Variants in SLC16A2 observed in about 807,000 individuals in gnomAD.
SLC16A2 encodes the protein solute carrier family 16 member 2.
A neutral mutation model predicts 27.2 loss-of-function variants in SLC16A2; 3 were observed. That is an observed-to-expected ratio of 0.11 (90% CI 0.05 to 0.28). The LOEUF (loss-of-function observed/expected upper bound fraction) is 0.28, where lower values mean the gene tolerates loss of function less well. SLC16A2 is among the 10% of genes least tolerant of loss of function. The pLI, the probability that SLC16A2 is intolerant of heterozygous loss-of-function variation, is 1.00. For synonymous variants in SLC16A2, 202 were observed against 187.8 expected, an observed-to-expected ratio of 1.08 and a Z score of -0.62; for missense variants, 295 against 458.5, an observed-to-expected ratio of 0.64 and a Z score of 3.26.
At chrX:74,460,612 G>A (rs1185395009) in intron 1 of SLC16A2, among the ~76,000 whole-genome samples, 14 of 112,156 alleles carry the variant, frequency 1.2e-4, no homozygotes, top group Admixed American at 4.7e-4. Context: ...CCTGTACCCA[G>A]GGTCTAGCCT....
At chrX:74,485,824 G>A (rs1428783604) in intron 1 of SLC16A2, among the ~76,000 whole-genome samples, 1 of 111,407 alleles carries the variant, frequency 9.0e-6, no homozygotes, top group Admixed American at 9.5e-5. Context: ...GGCTGGATCA[G>A]GAGCACAGTG....
intron 1 of SLC16A2, among the ~76,000 whole-genome samples, chrX:74,434,376 TG>T (rs1429007865): frequency 9.0e-6 from 1 of 111,073 alleles, no homozygotes; most frequent in Admixed American, 9.6e-5. Flanking sequence ...AGTGGCAGAG[TG>T]GGGGCAGAGA....
At position 74,529,110 on chromosome X, in the gene SLC16A2, C is replaced by T. The variant is rs1372815435; in HGVS notation, c.1171-103C>T. 1.2e-4 allele frequency: 67 copies of T among 566,433 alleles called. No homozygotes were observed. In the East Asian group the frequency reaches 2.4e-3, roughly 20 times the overall value. 46.7% of individuals were successfully genotyped at this position (566,433 alleles called of 1,213,427 possible). A position where few individuals can be genotyped will look rare whatever the true frequency, so the allele number is the denominator to read the frequency against. ...GTTGACACCTTCCCCCTCCCACCAC[C>T]CCATTTTATAGATGGTAGAAATGAA... is the stretch of plus-strand genomic sequence containing the variant. On this transcript the variant is annotated intron_variant, in intron 4 of 5. Transcript: ENST00000587091.
chrX:74,470,887 A>C (rs932884494), intron 1 of SLC16A2, among the ~76,000 whole-genome samples: 1 of 111,309 alleles, frequency 9.0e-6, no homozygotes, highest in African/African-American at 3.3e-5. Flanking sequence ...GCAGTGAGCC[A>C]AGATGGCGCC....
intron 1 of SLC16A2, among the ~76,000 whole-genome samples, chrX:74,434,728 T>C (rs1005963734): frequency 1.8e-5 from 2 of 110,529 alleles, no homozygotes; most frequent in Non-Finnish European, 3.8e-5. Context: ...AAACAGGTCC[T>C]CAGATCCCAT....
intron 1 of SLC16A2, among the ~76,000 whole-genome samples, chrX:74,422,290 C>T (rs796723435): frequency 8.9e-6 from 1 of 112,099 alleles, no homozygotes; most frequent in South Asian, 3.7e-4. Context: ...GCAAGGCGTC[C>T]CGGGGGTACG....
At chrX:74,481,015 G>GAGAT (rs1929608606) in intron 1 of SLC16A2, among the ~76,000 whole-genome samples, 1 of 112,318 alleles carries the variant, frequency 8.9e-6, no homozygotes, top group African/African-American at 3.2e-5. Flanking sequence ...TTATTCTATT[G>GAGAT]AGATAGCGTA....
Position 74,497,512 on chromosome X carries a change from T to C in SLC16A2, c.431-23478T>C, listed in dbSNP as rs1929958066. On this transcript the variant is annotated intron_variant, in intron 1 of 5. Coordinates refer to ENST00000587091, the MANE Select transcript of SLC16A2 (RefSeq NM_006517.5). ...TCTCAAAGTTTTTTGTTTTTGGTTC[T>C]CAAAGTTTTGGGGTCGGTACCCCAA... Among the ~76,000 whole-genome samples the C allele has an allele frequency of 3.7e-5, 4 of 109,248 alleles. No individual in the cohort carries two copies. In the Admixed American group the frequency reaches 4.0e-4, roughly 11 times the overall value. The allele number at this position is 109,248 out of a possible 115,157, so 94.9% of individuals were successfully genotyped here.
At chrX:74,435,696 G>T (rs1159371207) in intron 1 of SLC16A2, among the ~76,000 whole-genome samples, 1 of 107,531 alleles carries the variant, frequency 9.3e-6, no homozygotes, top group Non-Finnish European at 1.9e-5. Flanking sequence ...TAAGTGTATG[G>T]GTAAGAAGCA....
chrX:74,481,570 T>G lies in SLC16A2; in HGVS notation c.431-39420T>G, dbSNP rs148955584. 4.8e-4 allele frequency among the ~76,000 whole-genome samples: 53 copies of G among 110,638 alleles called. No individual in the cohort carries two copies. The East Asian group carries it at 0.015, about 31-fold the overall frequency. On this transcript the variant is annotated intron_variant, in intron 1 of 5. Coordinates refer to ENST00000587091, the MANE Select transcript of SLC16A2 (RefSeq NM_006517.5). ...CTGATGTCTCCTCTTTATTCTTAATTTTACTGATTTGCATCTTCTCTTTAT... is the reference window on the plus strand; with the variant it reads ...CTGATGTCTCCTCTTTATTCTTAATGTTACTGATTTGCATCTTCTCTTTAT...
At chrX:74,429,387 T>C (rs1467159967) in intron 1 of SLC16A2, among the ~76,000 whole-genome samples, 1 of 108,912 alleles carries the variant, frequency 9.2e-6, no homozygotes, top group African/African-American at 3.4e-5. Flanking sequence ...TACTAGGATC[T>C]CTTGAGCCAA....
intron 1 of SLC16A2, among the ~76,000 whole-genome samples, chrX:74,443,084 C>T (rs140024849): frequency 3.2e-3 from 354 of 112,082 alleles, no homozygotes; most frequent in African/African-American, 0.011. Context: ...GCATGCTAGA[C>T]ATTATGCTAA....
rs763472440 is a variant in SLC16A2, at chrX:74,454,273, C to T, written c.430+32206C>T. On this transcript the variant is annotated intron_variant, in intron 1 of 5. Transcript: ENST00000587091. The stretch of plus-strand genomic sequence containing the variant: ...AAACATGCTGCTATAAAGACACATG[C>T]ACACGTATGTTTATTGTGGCACTAT... Among the ~76,000 whole-genome samples the T allele has an allele frequency of 3.6e-5, 4 of 111,052 alleles. No homozygotes were observed. In the South Asian group the frequency reaches 1.5e-3, roughly 43 times the overall value.
chrX:74,465,814 G>A (rs1446905178), intron 1 of SLC16A2, among the ~76,000 whole-genome samples: 1 of 111,461 alleles, frequency 9.0e-6, no homozygotes, highest in East Asian at 2.8e-4. Context: ...ACAGAAGGGG[G>A]AGGTGGTGGA....
chrX:74,506,149 C>T (rs1340083304), intron 1 of SLC16A2, among the ~76,000 whole-genome samples: 1 of 111,568 alleles, frequency 9.0e-6, no homozygotes, highest in Non-Finnish European at 1.9e-5. Context: ...GACCCATGGG[C>T]TCAGGGTTCC....
At chrX:74,507,838 T>C (rs1483940026) in intron 1 of SLC16A2, among the ~76,000 whole-genome samples, 1 of 112,436 alleles carries the variant, frequency 8.9e-6, no homozygotes, top group Non-Finnish European at 1.9e-5. Context: ...TTCTTTTTGA[T>C]GGCCAAATGG....
intron 1 of SLC16A2, among the ~76,000 whole-genome samples, chrX:74,489,983 A>ACACACACACG (rs1929794724): frequency 9.4e-6 from 1 of 106,481 alleles, no homozygotes; most frequent in Non-Finnish European, 1.9e-5. Flanking sequence ...ACACACACAC[A>ACACACACACG]CACACACACA....
intron 1 of SLC16A2, among the ~76,000 whole-genome samples, chrX:74,449,689 C>T (rs1292927623): frequency 9.0e-6 from 1 of 111,471 alleles, no homozygotes; most frequent in Non-Finnish European, 1.9e-5. Flanking sequence ...AGCATCTGTG[C>T]GACTTCTCAG....
chrX:74,454,149 C>T (rs1928996017), intron 1 of SLC16A2, among the ~76,000 whole-genome samples: 1 of 111,723 alleles, frequency 9.0e-6, no homozygotes, highest in Non-Finnish European at 1.9e-5. Flanking sequence ...CTAGTTCAAC[C>T]ATTGTGGAAG....
Sources: gnomAD v4.1 joint callset for allele counts (sites outside exome capture counted in the v4.1 genomes callset) on GRCh38, gnomAD v4.1.1 for gene constraint, MANE v1.5 for transcripts, NCBI Gene and HGNC (gene_info 2026-07-23, HGNC 2026-07-21) for gene names.